UBN1: variants seen among roughly 807,000 people sequenced by gnomAD.
UBN1 encodes ubinuclein-1.
In UBN1, 17 loss-of-function variants were observed where a neutral mutation model predicts 108.5. That is an observed-to-expected ratio of 0.16 (90% confidence interval 0.11 to 0.24). UBN1 has a LOEUF of 0.24. UBN1 is among the 10% of genes least tolerant of loss of function. The pLI is 1.00. For missense variants in UBN1, 1,595 were observed against 1,394.4 expected, an observed-to-expected ratio of 1.14 and a Z score of -2.29; for synonymous variants, 726 against 564.2, an observed-to-expected ratio of 1.29 and a Z score of -4.07.
chr16:4,871,017 C>G (rs1010193995), intron 11 of UBN1, 45 bp downstream of exon 11: 1 of 1,611,232 alleles, frequency 6.2e-7, no homozygotes, highest in Non-Finnish European at 8.5e-7. Context: ...GTTGGTGGGG[C>G]AGTGTCTGAG....
chr16:4,863,611 AT>A (rs2087172277), intron 7 of UBN1, among the ~76,000 whole-genome samples: 2 of 151,790 alleles, frequency 1.3e-5, no homozygotes, highest in African/African-American at 4.8e-5. Context: ...TATACCCCTA[AT>A]TTTCCCCCCC....
rs542301926 is a variant in UBN1, at chr16:4,870,711, C to T, written c.1430+77C>T. 8.4e-5 allele frequency: 134 copies of T among 1,590,154 alleles called. 1 individual carries two copies. The Middle Eastern group carries it at 3.8e-3, about 45-fold the overall frequency. On this transcript the variant is annotated intron_variant, in intron 10 of 17. Coordinates refer to ENST00000262376, the MANE Select transcript of UBN1 (RefSeq NM_001079514.3). ...CCTCCCGTTTCTCGGTGTGTACTGC[C>T]GTTTCCCAAGGAGCCTCTTGGCTCT...
rs1047484233 is a variant in UBN1, at chr16:4,877,416, C to A, written c.3297C>A (p.Pro1099=). ...TGGCTGGCTTGCACTCCAGCCCGCC[C>A]CATGCAGCGCCTCTCCCACACGCTG... ...SLLAGLHSSP[P]HAAPLPHAAV... Residue 1099 remains proline (P), a synonymous_variant, in exon 17 of 18, where the codon CCC becomes CCA. Transcript: ENST00000262376. The surrounding 1 kb of genome is among the most constrained non-coding windows in gnomAD (Gnocchi z 4.3). 1.9e-6 allele frequency: 3 copies of A among 1,612,548 alleles called. No individual in the cohort carries two copies. The African/African-American group carries it at 4.0e-5, about 22-fold the overall frequency.
intron 1 of UBN1, 155 bp from the exon 2 acceptor site, chr16:4,852,724 T>A (rs1187873572): frequency 1.3e-5 from 10 of 770,316 alleles, no homozygotes; most frequent in Non-Finnish European, 1.9e-5. Context: ...GAAAAAATTT[T>A]AGGATGAATA....
Position 4,871,164 on chromosome 16 carries a change from G to A in UBN1, c.1569G>A (p.Leu523=). 1.2e-6 allele frequency: 2 copies of A among 1,614,218 alleles called. No individual in the cohort carries two copies. The highest frequency in any genetic ancestry group is 1.7e-6 in the Non-Finnish European group (2 of 1,180,032). The change falls in exon 12 of 18, where the codon CTG becomes CTA. Residue 523 remains leucine, a synonymous_variant. Coordinates refer to ENST00000262376, the MANE Select transcript of UBN1 (RefSeq NM_001079514.3). Reference sequence around the variant, plus strand: ...TCTGCCTCCTTCTCAGGGAGCTACTGTGCCAGGTGGTGAAGATCAAACTGG... The same window carrying A: ...TCTGCCTCCTTCTCAGGGAGCTACTATGCCAGGTGGTGAAGATCAAACTGG... ...FQWNDEIREL[L]CQVVKIKLES...
At chr16:4,866,182 G>T (rs1365026491) in intron 7 of UBN1, among the ~76,000 whole-genome samples, 2 of 152,144 alleles carry the variant, frequency 1.3e-5, no homozygotes, top group Admixed American at 1.3e-4. Context: ...TACCTTCCAA[G>T]TGCTAAGGTA....
intron 1 of UBN1, among the ~76,000 whole-genome samples, chr16:4,849,711 G>A (rs139193278): frequency 2.5e-3 from 386 of 151,480 alleles, no homozygotes; most frequent in African/African-American, 9.0e-3. Flanking sequence ...TCCCACCTCA[G>A]CCTCCTTAGT....
At position 4,871,270 on chromosome 16, in the gene UBN1, C is replaced by T; in HGVS notation, c.1675C>T (p.Pro559Ser). 6.2e-7 allele frequency: 1 copy of T among 1,614,178 alleles called. No homozygotes were observed. Residue 559 changes from proline to serine, a missense_variant, in exon 12 of 18, where the codon CCC becomes TCC. Pro to Ser is a moderately conservative substitution (Grantham distance 74). This residue lies in a region of UBN1 where 1,398 missense variants were observed against 1,194.7 expected (regional missense o/e 1.17). Transcript: ENST00000262376. ...GGGCTTTCTGGATGCGGAAGTCAAG[C>T]CCCTCTGGCCCAAAGGCTGGATGCA... ...VKGFLDAEVK[P>S]LWPKGWMQAR... is the part of the protein sequence containing the mutation.
chr16:4,856,867 T>C (rs187740245), intron 2 of UBN1, among the ~76,000 whole-genome samples: 209 of 152,358 alleles, frequency 1.4e-3, no homozygotes, highest in African/African-American at 4.8e-3. Flanking sequence ...CTCTATAATA[T>C]CCCATTGTAT....
rs1458576105 is a variant in UBN1, at chr16:4,882,166, C to G, written c.*2034C>G. 6.6e-6 allele frequency: 1 copy of G among 152,578 alleles called. No individual in the cohort carries two copies. Among genetic ancestry groups the G allele is most frequent in the Non-Finnish European group, 1.5e-5 (1 of 68,036 alleles). 9.5% of individuals were successfully genotyped at this position (152,578 alleles called of 1,614,324 possible). ...GGCCGCAGCAGAGGGTGGGGCAGAG[C>G]AGCCTCGGGGTCTGGGGGCTGCAGG... On this transcript the variant is annotated 3_prime_UTR_variant, in exon 18 of 18. Transcript: ENST00000262376.
chr16:4,868,319 C>T (rs964842823), intron 7 of UBN1, among the ~76,000 whole-genome samples: 12 of 152,120 alleles, frequency 7.9e-5, no homozygotes, highest in Non-Finnish European at 1.2e-4. Flanking sequence ...CATGGTCTGG[C>T]TAATAGAGAG....
At chr16:4,868,140 T>C (rs2087427155) in intron 7 of UBN1, among the ~76,000 whole-genome samples, 1 of 152,206 alleles carries the variant, frequency 6.6e-6, no homozygotes, top group Non-Finnish European at 1.5e-5. Context: ...CAGGGTCTGC[T>C]TTTTTGTGTT....
At chr16:4,860,040 C>T in intron 6 of UBN1, 72 bp downstream of exon 6, 2 of 1,584,936 alleles carry the variant, frequency 1.3e-6, no homozygotes, top group African/African-American at 1.4e-5. Context: ...AGCTGACTCA[C>T]CTCCTCCCCA....
At chr16:4,866,441 A>G (rs2087336391) in intron 7 of UBN1, among the ~76,000 whole-genome samples, 1 of 152,234 alleles carries the variant, frequency 6.6e-6, no homozygotes, top group African/African-American at 2.4e-5. Flanking sequence ...CACTCAGTCA[A>G]CATTTAGTAA....
At chr16:4,870,154 G>T in intron 8 of UBN1, 58 bp from the exon 9 acceptor site, 1 of 1,608,678 alleles carries the variant, frequency 6.2e-7, no homozygotes, top group South Asian at 1.1e-5. Flanking sequence ...ACGGTGAGCT[G>T]ATGAAGACAG....
intron 2 of UBN1, among the ~76,000 whole-genome samples, chr16:4,857,571 G>A (rs2086873749): frequency 6.6e-6 from 1 of 151,882 alleles, no homozygotes; most frequent in Admixed American, 6.6e-5. Context: ...CACATTCAGT[G>A]GGATTTTCAC....
In UBN1 at chr16:4,874,680, G is replaced by A. The variant is rs374428722; in HGVS notation, c.2270G>A (p.Ser757Asn). 2.2e-5 allele frequency: 35 copies of A among 1,614,054 alleles called. No individual in the cohort carries two copies. Among genetic ancestry groups the A allele is most frequent in the Non-Finnish European group, 2.8e-5 (33 of 1,180,042 alleles). The change falls in exon 15 of 18, where the codon AGT (serine) becomes AAT (asparagine). Residue 757 changes from serine to asparagine, a missense_variant. Physicochemically the swap from Ser to Asn is conservative, Grantham distance 46 (BLOSUM62 1). Transcript: ENST00000262376. ...TCCTCTCAGGAGAAAAAACCAGAGA[G>A]TTCTGGCTACAAAGAGCTGTCCTGC... ...GQSSQEKKPE[S>N]SGYKELSCQA...
At chr16:4,870,815 G>A in intron 10 of UBN1, 29 bp from the exon 11 acceptor site, 1 of 1,612,648 alleles carries the variant, frequency 6.2e-7, no homozygotes, top group South Asian at 1.1e-5. Flanking sequence ...AGCACCTTGG[G>A]GCCCCATGTA....
intron 1 of UBN1, among the ~76,000 whole-genome samples, chr16:4,851,821 C>CA (rs1016511966): frequency 4.1e-4 from 58 of 142,560 alleles, no homozygotes; most frequent in East Asian, 2.8e-3. Context: ...GACCCTAGCT[C>CA]AAAAAAAAAA....
Sources: gnomAD v4.1 joint callset for allele counts (sites outside exome capture counted in the v4.1 genomes callset) on GRCh38, gnomAD v4.1.1 for gene constraint, gnomAD v4.1.1 regional missense constraint, Gnocchi (gnomAD v3.1) non-coding constraint, MANE v1.5 for transcripts, NCBI Gene and HGNC (gene_info 2026-07-23, HGNC 2026-07-21) for gene names.